The following NTRK2 variants were observed in gnomAD, a reference collection of about 807,000 sequenced individuals.
NTRK2 encodes the protein BDNF/NT-3 growth factors receptor.
NTRK2 carries 13 observed loss-of-function variants against 94.5 expected under a neutral mutation model. That is an observed-to-expected ratio of 0.14 (90% CI 0.09 to 0.22). The LOEUF is 0.22. NTRK2 is among the 10% of genes least tolerant of loss of function. The probability of loss-of-function intolerance (pLI) is 1.00; values close to 1 mark genes in which losing one functional copy is unlikely to be tolerated. For missense variants in NTRK2, 639 were observed against 1,071.2 expected, an observed-to-expected ratio of 0.60 and a Z score of 5.63; for synonymous variants, 372 against 407.4, an observed-to-expected ratio of 0.91 and a Z score of 1.05.
chr9:84,805,665 A>T, intron 12 of NTRK2, among the ~76,000 whole-genome samples: 1 of 152,214 alleles, frequency 6.6e-6, no homozygotes, highest in East Asian at 1.9e-4. Context: ...TCTGAAACTC[A>T]TGTTGAAACT....
chr9:84,866,643 C>G (rs989665019), intron 13 of NTRK2, among the ~76,000 whole-genome samples: 2 of 152,176 alleles, frequency 1.3e-5, no homozygotes, highest in African/African-American at 4.8e-5. Context: ...TAAAATGGTG[C>G]AGCCACTTTG....
At chr9:84,740,800 A>C (rs1235406770) in intron 9 of NTRK2, among the ~76,000 whole-genome samples, 1 of 152,220 alleles carries the variant, frequency 6.6e-6, no homozygotes, top group East Asian at 1.9e-4. Context: ...CACTGGGGCC[A>C]CTTTTATTTG....
intron 12 of NTRK2, among the ~76,000 whole-genome samples, chr9:84,793,275 T>A (rs2068921511): frequency 7.3e-6 from 1 of 136,848 alleles, no homozygotes; most frequent in Non-Finnish European, 1.6e-5. Flanking sequence ...TGTGACAAAT[T>A]GGATTAATTG....
intron 12 of NTRK2, among the ~76,000 whole-genome samples, chr9:84,798,037 C>T (rs2069834291): frequency 6.7e-6 from 1 of 149,986 alleles, no homozygotes. Flanking sequence ...GTATCACAGA[C>T]TGGGTGGTTG....
At chr9:84,797,796 TA>T (rs561647571) in intron 12 of NTRK2, among the ~76,000 whole-genome samples, 2 of 75,080 alleles carry the variant, frequency 2.7e-5, no homozygotes, top group African/African-American at 5.1e-5. Flanking sequence ...ATATATACTA[TA>T]ATAATATATA....
At chr9:84,995,588 A>G (rs930985714) in intron 17 of NTRK2, among the ~76,000 whole-genome samples, 1 of 152,158 alleles carries the variant, frequency 6.6e-6, no homozygotes, top group African/African-American at 2.4e-5. Context: ...TCTGCCACAC[A>G]CTTGGGCAAG....
chr9:85,011,343 G>A (rs1831550138), intron 17 of NTRK2, among the ~76,000 whole-genome samples: 1 of 152,140 alleles, frequency 6.6e-6, no homozygotes, highest in Non-Finnish European at 1.5e-5. Flanking sequence ...AATCAGAAGG[G>A]AGGGATGAGC....
chr9:84,710,380 C>G (rs572303349), intron 5 of NTRK2, among the ~76,000 whole-genome samples: 2 of 152,248 alleles, frequency 1.3e-5, no homozygotes, highest in African/African-American at 4.8e-5. Context: ...TATATTTTGG[C>G]TATTTCTGTC....
intron 14 of NTRK2, among the ~76,000 whole-genome samples, chr9:84,893,416 G>C (rs963862502): frequency 2.0e-5 from 3 of 152,190 alleles, no homozygotes; most frequent in African/African-American, 7.2e-5. Context: ...CCTCGCAGGA[G>C]CAAGAATTAT....
intron 2 of NTRK2, among the ~76,000 whole-genome samples, chr9:84,679,547 C>T (rs1335009986): frequency 6.6e-6 from 1 of 152,148 alleles, no homozygotes; most frequent in Non-Finnish European, 1.5e-5. Flanking sequence ...TACCCACTCT[C>T]TGACAGTATC....
intron 14 of NTRK2, among the ~76,000 whole-genome samples, chr9:84,891,233 C>CT (rs200765574): frequency 6.6e-5 from 10 of 151,270 alleles, no homozygotes; most frequent in Non-Finnish European, 1.2e-4. Flanking sequence ...GATGGTCAAG[C>CT]TTTTTTTTAA....
chr9:84,873,942 C>T, intron 14 of NTRK2: 1 of 1,063,216 alleles, frequency 9.4e-7, no homozygotes, highest in South Asian at 4.6e-5. Context: ...ACTCCCTCAT[C>T]ATCGGCCAAC....
chr9:84,919,688 A>G (rs2077501966), intron 14 of NTRK2, among the ~76,000 whole-genome samples: 1 of 152,216 alleles, frequency 6.6e-6, no homozygotes, highest in Non-Finnish European at 1.5e-5. Context: ...TTTGTCTGTA[A>G]TATTTAACTT....
intron 12 of NTRK2, among the ~76,000 whole-genome samples, chr9:84,844,360 A>G (rs1300570780): frequency 6.6e-6 from 1 of 152,206 alleles, no homozygotes; most frequent in African/African-American, 2.4e-5. Context: ...CTTTATATTT[A>G]TAAACATATT....
chr9:84,933,275 T>G (rs548351120), intron 14 of NTRK2, among the ~76,000 whole-genome samples: 144 of 152,298 alleles, frequency 9.5e-4, no homozygotes, highest in African/African-American at 3.4e-3. Flanking sequence ...CACATGTACT[T>G]CTGTCCTCTG....
At chr9:84,693,886 T>G (rs2060205348) in intron 2 of NTRK2, among the ~76,000 whole-genome samples, 1 of 152,250 alleles carries the variant, frequency 6.6e-6, no homozygotes, top group East Asian at 1.9e-4. Context: ...TGGGCTGTTC[T>G]AATAAGCTGC....
chr9:84,779,420 T>A (rs1334217244), intron 12 of NTRK2, among the ~76,000 whole-genome samples: 1 of 152,244 alleles, frequency 6.6e-6, no homozygotes, highest in Non-Finnish European at 1.5e-5. Context: ...TCATATGCCA[T>A]GTTGCAGAGA....
intron 2 of NTRK2, among the ~76,000 whole-genome samples, chr9:84,689,250 T>C (rs35042863): frequency 0.028 from 4,219 of 152,368 alleles, 72 homozygotes; most frequent in Admixed American, 0.044. Context: ...CAGATGTAAA[T>C]GGCGCTGGTT....
chr9:84,698,187 C>T (rs2060503958), intron 2 of NTRK2, among the ~76,000 whole-genome samples: 1 of 151,978 alleles, frequency 6.6e-6, no homozygotes, highest in South Asian at 2.1e-4. Context: ...AGGCCACCTT[C>T]CTTGGAATCA....
Sources: allele counts gnomAD v4.1 joint callset (sites outside exome capture counted in the v4.1 genomes callset), GRCh38; gene constraint gnomAD v4.1.1; transcripts MANE v1.5; gene names NCBI Gene and HGNC (gene_info 2026-07-23, HGNC 2026-07-21).